The following RTKN variants were observed in gnomAD, a reference collection of about 807,000 sequenced individuals.
RTKN encodes rhotekin.
In RTKN, 49 loss-of-function variants were observed where a neutral mutation model predicts 63.5. The ratio of observed to expected loss-of-function variants is 0.77; its 90% CI spans 0.61 to 0.98. The LOEUF (loss-of-function observed/expected upper bound fraction) is 0.98, where lower values mean the gene tolerates loss of function less well. RTKN is among the 50% of genes least tolerant of loss of function. The pLI is 0.00. For synonymous variants in RTKN, 295 were observed against 290.4 expected, an observed-to-expected ratio of 1.02 and a Z score of -0.16; for missense variants, 685 against 740.8, an observed-to-expected ratio of 0.92 and a Z score of 0.87.
chr2:74,430,089 G>A (rs766087717), intron 5 of RTKN, 52 bp from the exon 6 acceptor site: 8 of 1,600,042 alleles, frequency 5.0e-6, no homozygotes, highest in South Asian at 4.4e-5. Flanking sequence ...GGGAGGCAGA[G>A]GGTAGGGGAT....
rs1489104707 is a variant in RTKN at position 74,432,712 on chromosome 2, G to T, written c.112-46C>A. The T allele has an allele frequency of 3.8e-6, 6 of 1,583,210 alleles. No homozygotes were observed. In the Admixed American group the frequency reaches 8.4e-5, roughly 22 times the overall value. ...GGTGAGAAGGAAATGTCAGTCAGTG[G>T]ACAGGCTAAAGCACTCCCCAGTCCC... On this transcript the variant is annotated intron_variant, in intron 1 of 11. Transcript: ENST00000272430.
Position 74,426,404 on chromosome 2 carries a change from G to C in RTKN, c.1531C>G (p.Leu511Val). 1 of 1,611,922 alleles carries C rather than the reference G, an allele frequency of 6.2e-7. No homozygotes were observed. The highest frequency in any genetic ancestry group is 8.5e-7 in the Non-Finnish European group (1 of 1,179,038). The change falls in exon 12 of 12, where the codon CTG (leucine) becomes GTG (valine). Residue 511 changes from leucine (L) to valine (V), a missense_variant. Transcript: ENST00000272430. Reference protein sequence around the residue: ...VAPAPDWTHPLPWGRPRTFSL... With the variant: ...VAPAPDWTHPVPWGRPRTFSL... Reference sequence around the variant, plus strand: ...AAGGTTCGGGGTCTCCCCCAGGGCAGGGGGTGGGTCCAGTCTGGGGCTGGG... The same window carrying C: ...AAGGTTCGGGGTCTCCCCCAGGGCACGGGGTGGGTCCAGTCTGGGGCTGGG...
chr2:74,425,998 G>C lies in RTKN; in HGVS notation c.*245C>G, dbSNP rs1220680058. On this transcript the variant is annotated 3_prime_UTR_variant, in exon 12 of 12. Coordinates refer to ENST00000272430, the MANE Select transcript of RTKN (RefSeq NM_001015055.2). ...TAGTGCAGGGAGGTAGGGCAGAGTT[G>C]GTTCCAGTTTTCTTCCAGGAAGGGT... The C allele has an allele frequency of 1.6e-6, 1 of 643,204 alleles. No homozygotes were observed. The highest frequency in any genetic ancestry group is 1.8e-5 in the African/African-American group (1 of 54,718). 39.8% of individuals were successfully genotyped at this position (643,204 alleles called of 1,614,324 possible).
intron 1 of RTKN, 85 bp downstream of exon 1, chr2:74,441,621 C>T: frequency 3.2e-6 from 3 of 946,326 alleles, no homozygotes; most frequent in Non-Finnish European, 4.9e-6. Context: ...CCTCGGCGTG[C>T]ACGCGGGCGA....
At chr2:74,434,568 C>A (rs914767375) in intron 1 of RTKN, among the ~76,000 whole-genome samples, 1 of 152,092 alleles carries the variant, frequency 6.6e-6, no homozygotes, top group Non-Finnish European at 1.5e-5. Flanking sequence ...GTGTGAGACA[C>A]CATGCCTGGC....
At chr2:74,431,699 C>G (rs543240369) in intron 2 of RTKN, 1 of 152,632 alleles carries the variant, frequency 6.6e-6, no homozygotes, top group East Asian at 1.9e-4. Context: ...TCCTGGCAAC[C>G]TCCTCTTGTG....
At chr2:74,432,743 G>T (rs1670830720) in intron 1 of RTKN, 77 bp from the exon 2 acceptor site, 2 of 1,332,418 alleles carry the variant, frequency 1.5e-6, no homozygotes, top group Non-Finnish European at 2.1e-6. Flanking sequence ...GTCCCCAGGT[G>T]GGCTGTGGCC....
chr2:74,440,297 AC>A, intron 1 of RTKN: 1 of 936,824 alleles, frequency 1.1e-6, no homozygotes, highest in Non-Finnish European at 1.3e-6. Flanking sequence ...CCCTAGGGCC[AC>A]CCCTTCCAAC....
chr2:74,433,782 C>T (rs1421655731), intron 1 of RTKN, among the ~76,000 whole-genome samples: 4 of 152,092 alleles, frequency 2.6e-5, no homozygotes, highest in Non-Finnish European at 4.4e-5. Context: ...CGTGAGCCAC[C>T]GCGCCCGGCC....
intron 8 of RTKN, 110 bp downstream of exon 8, chr2:74,428,520 AC>A: frequency 6.4e-7 from 1 of 1,557,888 alleles, no homozygotes; most frequent in Non-Finnish European, 8.8e-7. Flanking sequence ...GTCTGGCCAT[AC>A]CCCATTTCTT....
chr2:74,427,953 A>C, intron 9 of RTKN: 1 of 492,858 alleles, frequency 2.0e-6, no homozygotes, highest in African/African-American at 1.9e-5. Context: ...CTGGAGAGAA[A>C]TGGGAAGTGG....
In RTKN at chr2:74,430,639, CA is replaced by C. The variant is rs769918327; in HGVS notation, c.349del (p.Cys117AlafsTer48). On this transcript the variant is annotated frameshift_variant, in exon 3 of 12. Coordinates refer to ENST00000272430, the MANE Select transcript of RTKN (RefSeq NM_001015055.2). LOFTEE classifies it high-confidence loss of function. ...ACCAGAGATGCAGACCCGGCCGCGG[CA>C]GGGGGAGCGCTCAGCGGGCGGGCCA... ...DSGPPAERSP[C>X]RGRVCISDLR... 16 of 1,613,710 alleles carry C rather than the reference CA, an allele frequency of 9.9e-6. No homozygotes were observed. In the South Asian group the frequency reaches 1.8e-4, roughly 18 times the overall value.
At chr2:74,430,218 G>A (rs1233630214) in intron 5 of RTKN, 34 bp downstream of exon 5, 2 of 1,586,884 alleles carry the variant, frequency 1.3e-6, no homozygotes, top group Non-Finnish European at 8.7e-7. Context: ...GAGCAGAGTG[G>A]AGGAAGGAGG....
Position 74,426,272 on chromosome 2 carries a change from G to A in RTKN, c.1663C>T (p.Pro555Ser). Residue 555 changes from proline (P) to serine (S), a missense_variant, in exon 12 of 12, where the codon CCT (proline) becomes TCT (serine). By Grantham distance (74) the Pro-to-Ser change is moderately conservative. Coordinates refer to ENST00000272430, the MANE Select transcript of RTKN (RefSeq NM_001015055.2). Reference sequence around the variant, plus strand: ...ACTGGTGACTGGAGCCAAGTGCGAGGTTGGCCTTTGCTGCAGAGGCCTCTG... The same window carrying A: ...ACTGGTGACTGGAGCCAAGTGCGAGATTGGCCTTTGCTGCAGAGGCCTCTG... Reference protein sequence around the residue: ...RTRGLCSKGQPRTWLQSPV With the variant: ...RTRGLCSKGQSRTWLQSPV 6.2e-7 allele frequency: 1 copy of A among 1,614,090 alleles called. No individual in the cohort carries two copies. The highest frequency in any genetic ancestry group is 8.5e-7 in the Non-Finnish European group (1 of 1,179,994).
At chr2:74,426,750 T>G (rs1670419022) in intron 11 of RTKN, 176 bp from the exon 12 acceptor site, 2 of 1,377,358 alleles carry the variant, frequency 1.5e-6, no homozygotes, top group Non-Finnish European at 9.3e-7. Context: ...GGCTACAGGC[T>G]CTGATAAGAC....
In RTKN at chr2:74,432,629, C is replaced by G; in HGVS notation, c.149G>C (p.Arg50Pro). 1 of 1,614,186 alleles carries G rather than the reference C, an allele frequency of 6.2e-7. No individual in the cohort carries two copies. Among genetic ancestry groups the G allele is most frequent in the Non-Finnish European group, 8.5e-7 (1 of 1,180,044 alleles). Residue 50 changes from arginine (R) to proline (P), a missense_variant, in exon 2 of 12, where the codon CGG (arginine) becomes CCG (proline). Coordinates refer to ENST00000272430, the MANE Select transcript of RTKN (RefSeq NM_001015055.2). Reference sequence around the variant, plus strand: ...CAGCTTACAGGCCCCTTCCCTCATCCGGATCTCATGGTCTAGCTTCCTCTG... The same window carrying G: ...CAGCTTACAGGCCCCTTCCCTCATCGGGATCTCATGGTCTAGCTTCCTCTG... ...ELQRKLDHEIRMREGACKLLA... is the reference protein window; with the variant it reads ...ELQRKLDHEIPMREGACKLLA...
At chr2:74,427,970 A>G (rs971289811) in intron 9 of RTKN, 2 of 509,666 alleles carry the variant, frequency 3.9e-6, no homozygotes, top group Non-Finnish European at 7.1e-6. Context: ...GTGGTAAAGT[A>G]GATATAAATT....
intron 1 of RTKN, chr2:74,439,894 G>A: frequency 1.6e-6 from 2 of 1,285,310 alleles, no homozygotes; most frequent in Non-Finnish European, 2.0e-6. Flanking sequence ...AGGATAAGTG[G>A]GGTCCCAGGA....
chr2:74,425,926 AG>A lies in RTKN; in HGVS notation c.*316del. On this transcript the variant is annotated 3_prime_UTR_variant, in exon 12 of 12. Coordinates refer to ENST00000272430, the MANE Select transcript of RTKN (RefSeq NM_001015055.2). ...ATGGTTGATGTGGGAGTCACAAGGG[AG>A]GTATGTTTGCTCCAAGGGTTCTTCA... 1.3e-6 allele frequency: 1 copy of A among 741,174 alleles called. No individual in the cohort carries two copies. Among genetic ancestry groups the A allele is most frequent in the Non-Finnish European group, 2.1e-6 (1 of 465,546 alleles). 45.9% of individuals were successfully genotyped at this position (741,174 alleles called of 1,614,324 possible).
Sources: allele counts gnomAD v4.1 joint callset (sites outside exome capture counted in the v4.1 genomes callset), GRCh38; gene constraint gnomAD v4.1.1; transcripts MANE v1.5; gene names NCBI Gene and HGNC (gene_info 2026-07-23, HGNC 2026-07-21).